CALN1: variants seen among roughly 807,000 people sequenced by gnomAD.
CALN1 encodes the protein calneuron 1, also known as calcium-binding protein 8.
In CALN1, 17 loss-of-function variants were observed where a neutral mutation model predicts 30.6. The ratio of observed to expected loss-of-function variants is 0.56; its 90% CI spans 0.38 to 0.83. The LOEUF is 0.83. CALN1 is among the 40% of genes least tolerant of loss of function. The pLI is 0.00. For synonymous variants in CALN1, 156 were observed against 131.4 expected (o/e 1.19, Z -1.28); for missense variants, 291 against 354.9 (o/e 0.82, Z 1.45).
chr7:72,234,378 G>C (rs979404516), intron 3 of CALN1, among the ~76,000 whole-genome samples: 4 of 152,174 alleles, frequency 2.6e-5, no homozygotes, highest in African/African-American at 9.7e-5. Flanking sequence ...GGTGGCCTCT[G>C]ACATCTCCTG....
At chr7:72,500,373 C>T in the CALN1 span, among the ~76,000 whole-genome samples, 1 of 146,302 alleles carries the variant, frequency 6.8e-6, no homozygotes, top group South Asian at 2.2e-4. Context: ...CTCCGCCTCC[C>T]GGGTTCAAGC....
intron 3 of CALN1, among the ~76,000 whole-genome samples, chr7:72,208,464 T>C (rs1348605100): frequency 3.3e-5 from 5 of 152,216 alleles, no homozygotes; most frequent in South Asian, 2.1e-4. Flanking sequence ...GGCATGTCCA[T>C]GGAAGACTGC....
intron 3 of CALN1, among the ~76,000 whole-genome samples, chr7:72,141,397 C>G (rs1563092469): frequency 6.6e-6 from 1 of 152,046 alleles, no homozygotes; most frequent in Non-Finnish European, 1.5e-5. Context: ...GTCAAGAGTT[C>G]GAGACCAGCC....
At chr7:72,079,139 A>G (rs776082116) in intron 4 of CALN1, among the ~76,000 whole-genome samples, 1 of 152,194 alleles carries the variant, frequency 6.6e-6, no homozygotes, top group Non-Finnish European at 1.5e-5. Flanking sequence ...AAGGATGCAA[A>G]GCTCACAATG....
chr7:72,245,058 C>T (rs1332445652), intron 3 of CALN1, among the ~76,000 whole-genome samples: 1 of 152,140 alleles, frequency 6.6e-6, no homozygotes, highest in Non-Finnish European at 1.5e-5. Context: ...CTTGCTCCAT[C>T]CCAAAACATC....
chr7:72,019,015 T>C (rs565718653), intron 5 of CALN1, among the ~76,000 whole-genome samples: 1 of 144,420 alleles, frequency 6.9e-6, no homozygotes, highest in Admixed American at 6.8e-5. Flanking sequence ...TTTTTTTTTT[T>C]GTATTTTTTT....
chr7:72,138,743 T>G (rs1207262770), intron 3 of CALN1, among the ~76,000 whole-genome samples: 12 of 152,186 alleles, frequency 7.9e-5, no homozygotes. Flanking sequence ...AAACAGCACA[T>G]GAAAGAACCA....
chr7:72,068,580 T>A (rs1165265334), intron 4 of CALN1, among the ~76,000 whole-genome samples: 1 of 152,148 alleles, frequency 6.6e-6, no homozygotes, highest in Non-Finnish European at 1.5e-5. Flanking sequence ...CTCCACTTCA[T>A]GGGTTCAAGC....
intron 5 of CALN1, among the ~76,000 whole-genome samples, chr7:71,998,714 G>A (rs1035089927): frequency 1.3e-5 from 2 of 151,472 alleles, no homozygotes; most frequent in Non-Finnish European, 1.5e-5. Flanking sequence ...ACACCAACAT[G>A]CCCAGCTAAT....
At chr7:72,145,379 G>A (rs1164435051) in intron 3 of CALN1, among the ~76,000 whole-genome samples, 1 of 152,124 alleles carries the variant, frequency 6.6e-6, no homozygotes, top group Non-Finnish European at 1.5e-5. Flanking sequence ...AGAAGAAATC[G>A]ATAAATTCCT....
intron 4 of CALN1, among the ~76,000 whole-genome samples, chr7:72,029,963 G>A (rs1386552804): frequency 1.3e-5 from 2 of 152,204 alleles, no homozygotes; most frequent in Non-Finnish European, 2.9e-5. Flanking sequence ...CTAAGTGGGA[G>A]CAATCTTGTG....
At chr7:72,477,771 G>T in the CALN1 span, among the ~76,000 whole-genome samples, 4 of 152,136 alleles carry the variant, frequency 2.6e-5, no homozygotes, top group African/African-American at 9.6e-5. Flanking sequence ...TGTTCCCTAG[G>T]CTGGTCTCGA....
intron 6 of CALN1, among the ~76,000 whole-genome samples, chr7:71,788,473 A>G (rs192277509): frequency 6.7e-6 from 1 of 148,914 alleles, no homozygotes; most frequent in Admixed American, 6.7e-5. Flanking sequence ...CCCCATTACT[A>G]AGAGGTTTTT....
intron 3 of CALN1, among the ~76,000 whole-genome samples, chr7:72,139,220 G>A (rs571695862): frequency 2.0e-5 from 3 of 152,282 alleles, no homozygotes; most frequent in Non-Finnish European, 2.9e-5. Context: ...TGTCCCAGGC[G>A]CTTCCAGAAC....
At position 71,904,658 on chromosome 7, in the gene CALN1, C is replaced by T. The variant is rs991928567; in HGVS notation, c.502-94166G>A. 7.2e-5 allele frequency among the ~76,000 whole-genome samples: 11 copies of T among 152,180 alleles called. No individual in the cohort carries two copies. In the East Asian group the frequency reaches 9.7e-4, roughly 13 times the overall value. Reference sequence around the variant, plus strand: ...ACAGCAAGCTGACTATAGTCAGTGACGATAGTATTCTAAAAAAATGCTGAG... The same window carrying T: ...ACAGCAAGCTGACTATAGTCAGTGATGATAGTATTCTAAAAAAATGCTGAG... On this transcript the variant is annotated intron_variant, in intron 5 of 6. Transcript: ENST00000395275.
intron 4 of CALN1, among the ~76,000 whole-genome samples, chr7:72,049,953 G>A (rs1802731902): frequency 6.6e-6 from 1 of 151,256 alleles, no homozygotes; most frequent in Non-Finnish European, 1.5e-5. Flanking sequence ...GGGACTAGGG[G>A]CTCACACTAC....
Position 72,221,443 on chromosome 7 carries a change from G to A in CALN1, c.244+57243C>T, listed in dbSNP as rs376637211. Among the ~76,000 whole-genome samples, 37 of 149,834 alleles carry A rather than the reference G, an allele frequency of 2.5e-4. No individual in the cohort carries two copies. The East Asian group carries it at 5.5e-3, about 22-fold the overall frequency. On this transcript the variant is annotated intron_variant, in intron 3 of 6. Coordinates refer to ENST00000395275, the MANE Select transcript of CALN1 (RefSeq NM_031468.4). ...AGCAACTCTCCTGCCTCAGCCTCCC[G>A]AGTAGTTGGGATTACAGGCACCCGC... is the stretch of plus-strand genomic sequence containing the variant.
intron 3 of CALN1, among the ~76,000 whole-genome samples, chr7:72,254,929 G>A (rs1432768603): frequency 6.6e-6 from 1 of 152,064 alleles, no homozygotes; most frequent in Admixed American, 6.6e-5. Context: ...ACCACGCCCA[G>A]CTAATTATGT....
chr7:72,202,843 T>C (rs892360037), intron 3 of CALN1, among the ~76,000 whole-genome samples: 1 of 152,208 alleles, frequency 6.6e-6, no homozygotes, highest in African/African-American at 2.4e-5. Context: ...TTACCCAGCA[T>C]ACCCAAAGGG....
Sources: gnomAD v4.1 joint callset for allele counts (sites outside exome capture counted in the v4.1 genomes callset) on GRCh38, gnomAD v4.1.1 for gene constraint, MANE v1.5 for transcripts, NCBI Gene and HGNC (gene_info 2026-07-23, HGNC 2026-07-21) for gene names.